ARHGEF28: variants seen among roughly 807,000 people sequenced by gnomAD.
ARHGEF28 encodes Rho guanine nucleotide exchange factor 28, also known as 190 kDa guanine nucleotide exchange factor.
Under a neutral mutation model 206.6 loss-of-function variants are expected in ARHGEF28, and 152 were observed. The ratio of observed to expected loss-of-function variants is 0.74; its 90% confidence interval spans 0.64 to 0.84. The LOEUF (loss-of-function observed/expected upper bound fraction) is 0.84. ARHGEF28 is among the 40% of genes least tolerant of loss of function. The pLI, the probability that ARHGEF28 is intolerant of heterozygous loss-of-function variation, is 0.00. For missense variants in ARHGEF28, 2,028 were observed against 2,073.2 expected, an observed-to-expected ratio of 0.98 and a Z score of 0.42; for synonymous variants, 763 against 776.4, an observed-to-expected ratio of 0.98 and a Z score of 0.29.
chr5:73,638,685 C>T (rs1481719308), intron 1 of ARHGEF28, among the ~76,000 whole-genome samples: 2 of 151,992 alleles, frequency 1.3e-5, no homozygotes, highest in East Asian at 1.9e-4. Context: ...TGATTAGTAC[C>T]TAAAATTAAA....
intron 1 of ARHGEF28, among the ~76,000 whole-genome samples, chr5:73,649,960 C>A (rs1186389207): frequency 6.6e-6 from 1 of 152,194 alleles, no homozygotes; most frequent in Non-Finnish European, 1.5e-5. Context: ...GTGCCCAAGT[C>A]CTTTTTCTCA....
At chr5:73,826,733 C>A (rs1024154405) in intron 9 of ARHGEF28, among the ~76,000 whole-genome samples, 2 of 152,176 alleles carry the variant, frequency 1.3e-5, no homozygotes, top group Admixed American at 6.5e-5. Flanking sequence ...TCCCTCTCCC[C>A]CTTACTAGTT....
intron 14 of ARHGEF28, among the ~76,000 whole-genome samples, chr5:73,853,652 G>A (rs1340932161): frequency 6.6e-6 from 1 of 152,090 alleles, no homozygotes; most frequent in Non-Finnish European, 1.5e-5. Flanking sequence ...CGTGACAATG[G>A]CAATGAGGAT....
chr5:73,655,032 G>C (rs1435787720), intron 1 of ARHGEF28, among the ~76,000 whole-genome samples: 1 of 152,154 alleles, frequency 6.6e-6, no homozygotes, highest in African/African-American at 2.4e-5. Flanking sequence ...CTGTCTATTT[G>C]GATTATGAAT....
At position 73,682,419 on chromosome 5, in the gene ARHGEF28, T is replaced by G. The variant is rs927918066; in HGVS notation, c.-11-2422T>G. 2.5e-5 allele frequency among the ~76,000 whole-genome samples: 2 copies of G among 79,104 alleles called. 1 individual carries two copies. Among genetic ancestry groups the G allele is most frequent in the South Asian group, 7.2e-4 (2 of 2,776 alleles). 51.9% of individuals were successfully genotyped at this position (79,104 alleles called of 152,430 possible). A position where few individuals can be genotyped will look rare whatever the true frequency, so the allele number is the denominator to read the frequency against. On this transcript the variant is annotated intron_variant, in intron 1 of 35. Transcript: ENST00000513042. Reference sequence around the variant, plus strand: ...CTGTACTAAATATCACAATTCATTCTTTTTTTTTTTTTTTTGAGATTGAGT... The same window carrying G: ...CTGTACTAAATATCACAATTCATTCGTTTTTTTTTTTTTTTGAGATTGAGT...
intron 16 of ARHGEF28, among the ~76,000 whole-genome samples, chr5:73,864,173 A>G (rs1759564267): frequency 1.3e-5 from 2 of 152,198 alleles, no homozygotes; most frequent in South Asian, 2.1e-4. Flanking sequence ...CCATGAGGAC[A>G]GCCTCAGTGT....
At chr5:73,777,055 A>C (rs897098733) in intron 6 of ARHGEF28, among the ~76,000 whole-genome samples, 1 of 152,180 alleles carries the variant, frequency 6.6e-6, no homozygotes, top group Non-Finnish European at 1.5e-5. Context: ...CATATTGCTC[A>C]AATGTAGTTA....
At chr5:73,867,398 C>T (rs966080776) in intron 18 of ARHGEF28, among the ~76,000 whole-genome samples, 41 of 152,200 alleles carry the variant, frequency 2.7e-4, no homozygotes, top group Non-Finnish European at 4.7e-4. Context: ...TTGCAGGCTT[C>T]ATTTGCCTGA....
chr5:73,781,588 T>G (rs1033164716), intron 7 of ARHGEF28, among the ~76,000 whole-genome samples: 2 of 152,140 alleles, frequency 1.3e-5, no homozygotes, highest in African/African-American at 4.8e-5. Flanking sequence ...TAAACAGAAG[T>G]TTTCATTCTA....
At chr5:73,825,348 A>G (rs1156959595) in intron 9 of ARHGEF28, among the ~76,000 whole-genome samples, 2 of 152,214 alleles carry the variant, frequency 1.3e-5, no homozygotes, top group Non-Finnish European at 2.9e-5. Context: ...CCAGGGGAAG[A>G]GCCCTGCTGG....
intron 10 of ARHGEF28, among the ~76,000 whole-genome samples, 180 bp from the exon 11 acceptor site, chr5:73,840,300 A>C (rs1757904820): frequency 1.3e-5 from 2 of 152,126 alleles, no homozygotes; most frequent in Non-Finnish European, 2.9e-5. Flanking sequence ...TTTTTAGTAG[A>C]GATGGGGTTT....
At chr5:73,849,992 CTGAAGTACTA>C (rs1758602051) in intron 13 of ARHGEF28, among the ~76,000 whole-genome samples, 1 of 151,446 alleles carries the variant, frequency 6.6e-6, no homozygotes, top group Non-Finnish European at 1.5e-5. Context: ...CTTAAGTACT[CTGAAGTACTA>C]CTCAAATATT....
At chr5:73,738,298 A>T (rs17664701) in intron 2 of ARHGEF28, among the ~76,000 whole-genome samples, 34,609 of 152,050 alleles carry the variant, frequency 0.23, 4,572 homozygotes, top group Non-Finnish European at 0.3. Context: ...TGGAACCTAG[A>T]TCAAGGTTAT....
chr5:73,804,175 G>T (rs1288637220), intron 9 of ARHGEF28, among the ~76,000 whole-genome samples: 1 of 151,752 alleles, frequency 6.6e-6, no homozygotes, highest in African/African-American at 2.4e-5. Flanking sequence ...GTTCATCCAG[G>T]TTCTTGAGAT....
In ARHGEF28 at chr5:73,859,622, G is replaced by A. The variant is rs527620469; in HGVS notation, c.2047+1403G>A. On this transcript the variant is annotated intron_variant, in intron 16 of 35. Coordinates refer to ENST00000513042, the MANE Select transcript of ARHGEF28 (RefSeq NM_001177693.2). ...TTGATTTCTTTCTTTTCCTGGATCT[G>A]AAGTAGCATCAGGCTGCTCAGATGT... Among the ~76,000 whole-genome samples the A allele has an allele frequency of 9.5e-4, 144 of 152,228 alleles. 1 individual carries two copies. The highest frequency in any genetic ancestry group is 2.9e-3 in the African/African-American group (121 of 41,532).
chr5:73,790,752 A>G (rs1580622175), intron 7 of ARHGEF28, among the ~76,000 whole-genome samples: 1 of 152,152 alleles, frequency 6.6e-6, no homozygotes, highest in Admixed American at 6.5e-5. Context: ...TCTCTGAATT[A>G]AGAGTGGCAA....
chr5:73,841,797 G>A (rs1052056023), intron 11 of ARHGEF28, among the ~76,000 whole-genome samples: 1 of 151,910 alleles, frequency 6.6e-6, no homozygotes, highest in Non-Finnish European at 1.5e-5. Flanking sequence ...GTTACATCTA[G>A]GGAAGGAAAT....
At chr5:73,878,455 G>T (rs1348894527) in intron 22 of ARHGEF28, among the ~76,000 whole-genome samples, 1 of 151,904 alleles carries the variant, frequency 6.6e-6, no homozygotes, top group Non-Finnish European at 1.5e-5. Context: ...GTGTGAATTT[G>T]ATCCTGTCAT....
chr5:73,810,787 G>C (rs1755795432), intron 9 of ARHGEF28, among the ~76,000 whole-genome samples: 1 of 152,096 alleles, frequency 6.6e-6, no homozygotes, highest in African/African-American at 2.4e-5. Flanking sequence ...CCCCGATTCT[G>C]CTTTCTCTAC....
Sources: gnomAD v4.1 joint callset for allele counts (sites outside exome capture counted in the v4.1 genomes callset) on GRCh38, gnomAD v4.1.1 for gene constraint, MANE v1.5 for transcripts, NCBI Gene and HGNC (gene_info 2026-07-23, HGNC 2026-07-21) for gene names.